The following HCN1 variants were observed in gnomAD, a reference collection of about 807,000 sequenced individuals.
HCN1 encodes the protein potassium/sodium hyperpolarization-activated cyclic nucleotide-gated channel 1.
A neutral mutation model predicts 78.9 loss-of-function variants in HCN1; 13 were observed. The observed-to-expected ratio is 0.16, with a 90% confidence interval of 0.11 to 0.26. The LOEUF is 0.26. Ranked by LOEUF, HCN1 falls within the 10% of genes least tolerant of loss-of-function variation. The pLI is 1.00. For synonymous variants in HCN1, 552 were observed against 455.5 expected, an observed-to-expected ratio of 1.21 and a Z score of -2.70; for missense variants, 810 against 1,154.3, an observed-to-expected ratio of 0.70 and a Z score of 4.32.
intron 2 of HCN1, chr5:45,557,812 C>T (rs1015955187): frequency 6.6e-6 from 1 of 152,096 alleles, no homozygotes; most frequent in Non-Finnish European, 1.5e-5. Context: ...TGTGTGTGCT[C>T]TGACTGCTGC....
At chr5:45,590,364 C>G (rs1744333221) in intron 2 of HCN1, among the ~76,000 whole-genome samples, 1 of 152,172 alleles carries the variant, frequency 6.6e-6, no homozygotes, top group Non-Finnish European at 1.5e-5. Flanking sequence ...CATCTACCCA[C>G]TGCCCTCACA....
At chr5:45,350,157 A>T (rs1746858484) in intron 5 of HCN1, among the ~76,000 whole-genome samples, 1 of 152,186 alleles carries the variant, frequency 6.6e-6, no homozygotes, top group African/African-American at 2.4e-5. Context: ...CCAGCAGCAC[A>T]TCTAAAAGGT....
intron 6 of HCN1, among the ~76,000 whole-genome samples, chr5:45,279,006 A>G (rs1745113098): frequency 6.6e-6 from 1 of 152,116 alleles, no homozygotes; most frequent in Non-Finnish European, 1.5e-5. Flanking sequence ...TTACAGAAAA[A>G]CATTTGCCTA....
intron 2 of HCN1, among the ~76,000 whole-genome samples, chr5:45,612,239 T>G (rs560663366): frequency 1.3e-5 from 2 of 152,314 alleles, no homozygotes; most frequent in South Asian, 4.1e-4. Context: ...AAGTCCTAAT[T>G]CCTCCAGAAA....
intron 2 of HCN1, among the ~76,000 whole-genome samples, chr5:45,553,134 A>G (rs1458467803): frequency 6.6e-6 from 1 of 151,826 alleles, no homozygotes; most frequent in Non-Finnish European, 1.5e-5. Context: ...TAATTGTCCT[A>G]AATCACCTGC....
chr5:45,469,080 G>C (rs1350756956), intron 2 of HCN1, among the ~76,000 whole-genome samples: 1 of 151,844 alleles, frequency 6.6e-6, no homozygotes, highest in Non-Finnish European at 1.5e-5. Context: ...TAATATTATA[G>C]AGTCATATTT....
chr5:45,453,189 T>C (rs1740957893), intron 3 of HCN1, among the ~76,000 whole-genome samples: 1 of 152,066 alleles, frequency 6.6e-6, no homozygotes, highest in Non-Finnish European at 1.5e-5. Context: ...TTGAACTCTT[T>C]AGAAAGAGAA....
intron 2 of HCN1, among the ~76,000 whole-genome samples, chr5:45,467,132 C>T (rs929665962): frequency 1.3e-5 from 2 of 151,978 alleles, no homozygotes; most frequent in African/African-American, 4.8e-5. Context: ...TATCAAATAC[C>T]CTCAGCCACC....
At chr5:45,568,038 C>T (rs1426163360) in intron 2 of HCN1, among the ~76,000 whole-genome samples, 1 of 151,978 alleles carries the variant, frequency 6.6e-6, no homozygotes, top group Non-Finnish European at 1.5e-5. Context: ...CAGGTATTAG[C>T]TTCACATATA....
At chr5:45,370,953 T>C (rs1233667474) in intron 4 of HCN1, among the ~76,000 whole-genome samples, 1 of 152,106 alleles carries the variant, frequency 6.6e-6, no homozygotes, top group Admixed American at 6.6e-5. Context: ...TCGAGGAGTT[T>C]GGTGATTTTA....
rs1021827557 is a variant in HCN1 at position 45,444,657 on chromosome 5, T to C, written c.1011+17189A>G. On this transcript the variant is annotated intron_variant, in intron 3 of 7. Transcript: ENST00000303230. ...TTCTCTTAGGCTAAGTTCATCTTCT[T>C]ATATAACAAGATATTCTTAAATATG... Among the ~76,000 whole-genome samples the C allele has an allele frequency of 4.6e-5, 7 of 152,150 alleles. 1 individual carries two copies. The South Asian group carries it at 1.2e-3, about 27-fold the overall frequency.
At chr5:45,458,564 T>C (rs978821521) in intron 3 of HCN1, among the ~76,000 whole-genome samples, 1 of 152,184 alleles carries the variant, frequency 6.6e-6, no homozygotes, top group African/African-American at 2.4e-5. Context: ...TGGGATTTTC[T>C]ACTGCAGTTG....
intron 2 of HCN1, among the ~76,000 whole-genome samples, chr5:45,618,817 T>C (rs540639978): frequency 6.6e-6 from 1 of 151,964 alleles, no homozygotes; most frequent in South Asian, 2.1e-4. Flanking sequence ...CAGTTGAGAC[T>C]GATCAAAAAA....
At chr5:45,597,012 T>A (rs1227751695) in intron 2 of HCN1, among the ~76,000 whole-genome samples, 1 of 152,158 alleles carries the variant, frequency 6.6e-6, no homozygotes, top group Non-Finnish European at 1.5e-5. Flanking sequence ...TACCATTCCT[T>A]CTGAAACTAT....
At chr5:45,533,960 A>G (rs1742912797) in intron 2 of HCN1, among the ~76,000 whole-genome samples, 1 of 152,224 alleles carries the variant, frequency 6.6e-6, no homozygotes, top group Admixed American at 6.5e-5. Flanking sequence ...AGAGAGAACA[A>G]GGATTGGCAT....
intron 3 of HCN1, among the ~76,000 whole-genome samples, chr5:45,424,177 C>A (rs1188253982): frequency 1.3e-5 from 2 of 150,858 alleles, no homozygotes; most frequent in East Asian, 3.9e-4. Context: ...CCTGTAGTCC[C>A]AGCTACTCAG....
rs569720766 is a variant in HCN1, at chr5:45,315,437, C to G, written c.1378-11598G>C. Reference sequence around the variant, plus strand: ...GCAGTGTGTAGAGGGAAATTTATAGCACTAAATGCCCACAAGAGAAAGCAG... The same window carrying G: ...GCAGTGTGTAGAGGGAAATTTATAGGACTAAATGCCCACAAGAGAAAGCAG... On this transcript the variant is annotated intron_variant, in intron 5 of 7. Transcript: ENST00000303230. Among the ~76,000 whole-genome samples the G allele has an allele frequency of 1.4e-4, 21 of 152,254 alleles. No individual in the cohort carries two copies. The South Asian group carries it at 3.5e-3, about 26-fold the overall frequency.
intron 5 of HCN1, among the ~76,000 whole-genome samples, chr5:45,308,263 G>T (rs1251373634): frequency 6.6e-6 from 1 of 151,938 alleles, no homozygotes; most frequent in Non-Finnish European, 1.5e-5. Flanking sequence ...TCTTGTACAG[G>T]CTGCTGAATC....
intron 2 of HCN1, among the ~76,000 whole-genome samples, chr5:45,597,644 T>C (rs780150361): frequency 1.3e-5 from 2 of 152,196 alleles, no homozygotes; most frequent in Non-Finnish European, 2.9e-5. Flanking sequence ...TGTTTGCAGA[T>C]GACATGACCG....
Sources: allele counts gnomAD v4.1 joint callset (sites outside exome capture counted in the v4.1 genomes callset), GRCh38; gene constraint gnomAD v4.1.1; transcripts MANE v1.5; gene names NCBI Gene and HGNC (gene_info 2026-07-23, HGNC 2026-07-21).